The following XKR4 variants were observed in gnomAD, a reference collection of about 807,000 sequenced individuals.
The protein encoded by XKR4 is XK related 4, also known as XK-related protein 4.
A neutral mutation model predicts 53.9 loss-of-function variants in XKR4; 12 were observed. That is an observed-to-expected ratio of 0.22 (90% confidence interval 0.14 to 0.36). The LOEUF (loss-of-function observed/expected upper bound fraction) is 0.36, where lower values mean the gene tolerates loss of function less well. XKR4 is among the 10% of genes least tolerant of loss of function. The probability of loss-of-function intolerance (pLI) is 1.00; values close to 1 mark genes in which losing one functional copy is unlikely to be tolerated. For missense variants in XKR4, 799 were observed against 859.5 expected (o/e 0.93, Z 0.88); for synonymous variants, 354 against 362.4 (o/e 0.98, Z 0.26).
At chr8:55,345,093 C>G (rs895551448) in intron 1 of XKR4, among the ~76,000 whole-genome samples, 1 of 152,026 alleles carries the variant, frequency 6.6e-6, no homozygotes, top group Non-Finnish European at 1.5e-5. Flanking sequence ...ACAAGCCTCG[C>G]CAACATGGTG....
rs968603979 is a variant in XKR4, at chr8:55,532,339, A to T, written c.*8112A>T. 7 of 152,244 alleles carry T rather than the reference A, an allele frequency of 4.6e-5. No individual in the cohort carries two copies. The highest frequency in any genetic ancestry group is 1.7e-4 in the African/African-American group (7 of 41,458). The allele number at this position is 152,244 out of a possible 1,614,324, so 9.4% of individuals were successfully genotyped here. A position where few individuals can be genotyped will look rare whatever the true frequency, so the allele number is the denominator to read the frequency against. ...TGGACCAGACAAAATGAAGCATATA[A>T]TTACTGATATAATATTTGCTAAGCA... On this transcript the variant is annotated 3_prime_UTR_variant, in exon 3 of 3. Transcript: ENST00000327381.
At chr8:55,238,034 C>T (rs1563490272) in intron 1 of XKR4, among the ~76,000 whole-genome samples, 2 of 152,094 alleles carry the variant, frequency 1.3e-5, no homozygotes, top group African/African-American at 4.8e-5. Context: ...CACACATTTC[C>T]TCTGAGACAG....
chr8:55,450,701 G>A, intron 2 of XKR4: 1 of 584,384 alleles, frequency 1.7e-6, no homozygotes, highest in South Asian at 1.6e-5. Flanking sequence ...GCTCCCCCGT[G>A]GCTGAAGCGA....
At chr8:55,395,630 T>G in intron 2 of XKR4, among the ~76,000 whole-genome samples, 1 of 152,184 alleles carries the variant, frequency 6.6e-6, no homozygotes, top group East Asian at 1.9e-4. Context: ...AGAAAGATGG[T>G]CATTCACCAG....
At position 55,103,041 on chromosome 8, in the gene XKR4, T is replaced by A. The variant is rs1400444186; in HGVS notation, c.553T>A (p.Cys185Ser). Residue 185 changes from cysteine (C) to serine (S), a missense_variant, in exon 1 of 3, where the codon TGC becomes AGC. Transcript: ENST00000327381. ...DSATAAAASS[C>S]PQPGADCKTV... ...CGCCACGGCCGCTGCTGCCTCCAGC[T>A]GCCCGCAGCCTGGAGCCGATTGCAA... The A allele has an allele frequency of 3.1e-6, 5 of 1,612,646 alleles. No individual in the cohort carries two copies. The highest frequency in any genetic ancestry group is 2.2e-5 in the East Asian group (1 of 44,852).
At chr8:55,361,402 C>T (rs1324528043) in intron 2 of XKR4, among the ~76,000 whole-genome samples, 1 of 152,152 alleles carries the variant, frequency 6.6e-6, no homozygotes, top group African/African-American at 2.4e-5. Context: ...ATGGAGGGTG[C>T]TGCTCTCTAC....
chr8:55,278,241 G>T (rs923263647), intron 1 of XKR4, among the ~76,000 whole-genome samples: 1 of 151,610 alleles, frequency 6.6e-6, no homozygotes, highest in Non-Finnish European at 1.5e-5. Flanking sequence ...GGAAGCTGGG[G>T]CACAAGAATC....
chr8:55,193,839 T>C (rs1037652297), intron 1 of XKR4, among the ~76,000 whole-genome samples: 1 of 152,192 alleles, frequency 6.6e-6, no homozygotes, highest in African/African-American at 2.4e-5. Context: ...GGGTATGAGA[T>C]GGCTGAGGAT....
rs148422891 is a variant in XKR4 at position 55,345,053 on chromosome 8, A to T, written c.807-12625A>T. ...TCACAGCAATTTGGGAGGCCATGGC[A>T]GGTGGATCACTTGAGGTCAGGAGTT... On this transcript the variant is annotated intron_variant, in intron 1 of 2. Transcript: ENST00000327381. Among the ~76,000 whole-genome samples, 291 of 152,334 alleles carry T rather than the reference A, an allele frequency of 1.9e-3. 1 individual carries two copies. The highest frequency in any genetic ancestry group is 6.6e-3 in the African/African-American group (273 of 41,578).
intron 1 of XKR4, among the ~76,000 whole-genome samples, chr8:55,314,573 G>A (rs1487170419): frequency 6.6e-6 from 1 of 152,142 alleles, no homozygotes; most frequent in African/African-American, 2.4e-5. Flanking sequence ...AGGACTGGCT[G>A]GTATTCTGAT....
intron 1 of XKR4, among the ~76,000 whole-genome samples, chr8:55,340,703 G>A (rs1288722340): frequency 6.6e-6 from 1 of 152,192 alleles, no homozygotes; most frequent in African/African-American, 2.4e-5. Flanking sequence ...TTCATTCCGA[G>A]TGAGTTCAGT....
intron 1 of XKR4, among the ~76,000 whole-genome samples, chr8:55,142,638 TATTA>T (rs1249125508): frequency 2.2e-4 from 34 of 152,348 alleles, no homozygotes; most frequent in African/African-American, 6.7e-4. Flanking sequence ...ACCAAAAGTG[TATTA>T]ATTCTTAGTA....
intron 2 of XKR4, among the ~76,000 whole-genome samples, chr8:55,497,143 GCAAA>G (rs1369368769): frequency 1.3e-5 from 2 of 152,180 alleles, no homozygotes; most frequent in African/African-American, 4.8e-5. Flanking sequence ...AGCTGTAAAA[GCAAA>G]CTCCTGAACC....
chr8:55,108,732 T>C (rs1009533497), intron 1 of XKR4, among the ~76,000 whole-genome samples: 1 of 152,182 alleles, frequency 6.6e-6, no homozygotes, highest in Admixed American at 6.5e-5. Context: ...AATATATTCC[T>C]TATGTTTATT....
chr8:55,357,270 C>T (rs1216556210), intron 1 of XKR4, among the ~76,000 whole-genome samples: 2 of 152,150 alleles, frequency 1.3e-5, no homozygotes, highest in African/African-American at 4.8e-5. Flanking sequence ...GGTTTATATG[C>T]ACATATATTT....
chr8:55,475,607 T>C (rs1563361184), intron 2 of XKR4, among the ~76,000 whole-genome samples: 1 of 133,644 alleles, frequency 7.5e-6, no homozygotes, highest in African/African-American at 3.4e-5. Flanking sequence ...TATTTATTTA[T>C]TTATTTATTT....
intron 1 of XKR4, among the ~76,000 whole-genome samples, chr8:55,162,740 G>A (rs1464160483): frequency 6.6e-6 from 1 of 152,158 alleles, no homozygotes; most frequent in Non-Finnish European, 1.5e-5. Context: ...GTATTACTGT[G>A]TGAAATTGAA....
intron 2 of XKR4, among the ~76,000 whole-genome samples, chr8:55,435,411 G>A (rs1322291132): frequency 2.6e-5 from 4 of 151,986 alleles, no homozygotes; most frequent in Non-Finnish European, 4.4e-5. Context: ...TACCCTAAGG[G>A]TACTCACAAA....
intron 1 of XKR4, among the ~76,000 whole-genome samples, chr8:55,335,165 T>C (rs1261880477): frequency 6.6e-6 from 1 of 152,120 alleles, no homozygotes; most frequent in Non-Finnish European, 1.5e-5. Context: ...AATAAAACCA[T>C]GAAGCAAGCC....
Sources: allele counts gnomAD v4.1 joint callset (sites outside exome capture counted in the v4.1 genomes callset), GRCh38; gene constraint gnomAD v4.1.1; transcripts MANE v1.5; gene names NCBI Gene and HGNC (gene_info 2026-07-23, HGNC 2026-07-21).